Variants in PLIN3 observed in about 807,000 individuals in gnomAD.
PLIN3 encodes the protein perilipin-3.
PLIN3 carries 30 observed loss-of-function variants against 35.9 expected under a neutral mutation model. The observed-to-expected ratio is 0.84, with a 90% CI of 0.62 to 1.13. The LOEUF (loss-of-function observed/expected upper bound fraction) is 1.13. PLIN3 is among the 50% of genes most tolerant of loss of function. The pLI is 0.00. For synonymous variants in PLIN3, 261 were observed against 262.5 expected (o/e 0.99, Z 0.06); for missense variants, 603 against 596.9 (o/e 1.01, Z -0.11).
In PLIN3 at chr19:4,839,513, G is replaced by C; in HGVS notation, c.984C>G (p.Thr328=). ...GTTGCTGGGCAATGTCCCGGAACAT[G>C]GTGAGCGCCCGGGACTCGACCTGCT... The part of the protein sequence containing the change: ...KPEQVESRAL[T]MFRDIAQQLQ... The change falls in exon 8 of 8, where the codon ACC becomes ACG. Residue 328 remains threonine (T), a synonymous_variant. Coordinates refer to ENST00000221957, the MANE Select transcript of PLIN3 (RefSeq NM_005817.5). The C allele has an allele frequency of 6.5e-7, 1 of 1,534,800 alleles. No homozygotes were observed. Among genetic ancestry groups the C allele is most frequent in the Non-Finnish European group, 8.8e-7 (1 of 1,136,434 alleles).
Position 4,852,277 on chromosome 19 carries a change from C to T in PLIN3, c.373G>A (p.Val125Met), listed in dbSNP as rs1474388264. The change falls in exon 5 of 8, where the codon GTG becomes ATG. Residue 125 changes from valine to methionine, a missense_variant. Val to Met is a conservative substitution (Grantham distance 21). Transcript: ENST00000221957. ...EKVLADTKELVSSKVSGAQEM... is the reference protein window; with the variant it reads ...EKVLADTKELMSSKVSGAQEM... ...TGGGCCCCCGACACCTTAGACGACA[C>T]AAGCTCCTTGGTGTCCGCCAGGACC... 10 of 1,604,074 alleles carry T rather than the reference C, an allele frequency of 6.2e-6. No individual in the cohort carries two copies. In the Admixed American group the frequency reaches 1.3e-4, roughly 21 times the overall value.
chr19:4,852,508 G>A (rs967144738), intron 4 of PLIN3, among the ~76,000 whole-genome samples: 1 of 152,170 alleles, frequency 6.6e-6, no homozygotes, highest in African/African-American at 2.4e-5. Flanking sequence ...TCCCCCAGGT[G>A]ACCCTGAGTC....
intron 6 of PLIN3, among the ~76,000 whole-genome samples, chr19:4,845,740 C>T (rs1021377449): frequency 4.6e-5 from 7 of 150,794 alleles, no homozygotes; most frequent in Admixed American, 1.3e-4. Context: ...CTGGCTAACA[C>T]GGTGAAACCC....
intron 1 of PLIN3, among the ~76,000 whole-genome samples, chr19:4,862,578 G>A (rs2030712365): frequency 1.3e-5 from 2 of 152,170 alleles, no homozygotes; most frequent in African/African-American, 4.8e-5. Context: ...CTCCCAGGCA[G>A]TGTTGATGCA....
intron 4 of PLIN3, 97 bp from the exon 5 acceptor site, chr19:4,852,398 G>T: frequency 7.0e-7 from 1 of 1,422,200 alleles, no homozygotes; most frequent in East Asian, 2.4e-5. Flanking sequence ...GGCGGGGAGC[G>T]CCATCCCCCG....
chr19:4,862,238 C>A (rs1009109601), intron 1 of PLIN3, among the ~76,000 whole-genome samples: 55 of 151,438 alleles, frequency 3.6e-4, no homozygotes, highest in African/African-American at 1.3e-3. Context: ...TCAAGCAATT[C>A]CCCTGCCTCA....
intron 7 of PLIN3, among the ~76,000 whole-genome samples, chr19:4,841,641 C>T (rs1022553734): frequency 4.6e-5 from 7 of 151,272 alleles, no homozygotes; most frequent in African/African-American, 7.3e-5. Flanking sequence ...TGGCTCACCC[C>T]TGTAATCCCC....
chr19:4,856,552 C>CTT (rs921056507), intron 4 of PLIN3, among the ~76,000 whole-genome samples: 23 of 151,910 alleles, frequency 1.5e-4, no homozygotes, highest in African/African-American at 5.5e-4. Flanking sequence ...GAGCAACACT[C>CTT]TGTCTCAAAA....
Position 4,861,414 on chromosome 19 carries a change from G to A in PLIN3, c.-17-3C>T. On this transcript the variant is annotated splice_region_variant and splice_polypyrimidine_tract_variant and intron_variant, in intron 1 of 7. Coordinates refer to ENST00000221957, the MANE Select transcript of PLIN3 (RefSeq NM_005817.5). The stretch of plus-strand genomic sequence containing the variant: ...AGACATGGTCTCTGCAGCAGACGCT[G>A]AGGAGAGAGGAACAGTCAGGTACAG... 1 of 1,606,530 alleles carries A rather than the reference G, an allele frequency of 6.2e-7. No homozygotes were observed. Among genetic ancestry groups the A allele is most frequent in the South Asian group, 1.1e-5 (1 of 91,010 alleles).
intron 4 of PLIN3, among the ~76,000 whole-genome samples, chr19:4,856,483 G>A (rs2030479828): frequency 6.6e-6 from 1 of 151,736 alleles, no homozygotes; most frequent in South Asian, 2.1e-4. Flanking sequence ...GCTTGAGCCC[G>A]AGAGGCGGAG....
chr19:4,864,657 C>A (rs1053917503), intron 1 of PLIN3, among the ~76,000 whole-genome samples: 1 of 151,964 alleles, frequency 6.6e-6, no homozygotes, highest in African/African-American at 2.4e-5. Context: ...AACATGCCTG[C>A]CTGCACCGCA....
At chr19:4,852,824 CTGT>C (rs2030347299) in intron 4 of PLIN3, among the ~76,000 whole-genome samples, 1 of 150,978 alleles carries the variant, frequency 6.6e-6, no homozygotes, top group Admixed American at 6.6e-5. Context: ...TTTGTTGTTG[CTGT>C]TGTTGAGATG....
intron 1 of PLIN3, among the ~76,000 whole-genome samples, chr19:4,866,094 T>G (rs1458489466): frequency 6.7e-6 from 1 of 149,426 alleles, no homozygotes; most frequent in East Asian, 2.0e-4. Context: ...CTCAGTTCAG[T>G]GTAACCTCCA....
rs199891296 is a variant in PLIN3 at position 4,838,582 on chromosome 19, C to A, written c.*610G>T. On this transcript the variant is annotated 3_prime_UTR_variant, in exon 8 of 8. Coordinates refer to ENST00000221957, the MANE Select transcript of PLIN3 (RefSeq NM_005817.5). ...TGAACTATATCCCTGATTTTTTTTT[C>A]TTTTTTTTTTTTTTTGAGACTAAGT... The A allele has an allele frequency of 9.1e-6, 1 of 109,378 alleles. No individual in the cohort carries two copies. The highest frequency in any genetic ancestry group is 1.1e-4 in the Admixed American group (1 of 9,488). The allele number at this position is 109,378 out of a possible 1,614,324, so 6.8% of individuals were successfully genotyped here. A position where few individuals can be genotyped will look rare whatever the true frequency, so the allele number is the denominator to read the frequency against.
At chr19:4,856,436 T>C (rs1463303015) in intron 4 of PLIN3, among the ~76,000 whole-genome samples, 3 of 151,782 alleles carry the variant, frequency 2.0e-5, no homozygotes, top group African/African-American at 7.3e-5. Flanking sequence ...TGCATGCCTG[T>C]AATCCCAGCT....
intron 1 of PLIN3, among the ~76,000 whole-genome samples, chr19:4,864,294 A>G (rs1414700073): frequency 6.6e-6 from 1 of 151,246 alleles, no homozygotes; most frequent in African/African-American, 2.4e-5. Context: ...CTGGGATTAC[A>G]GGTGTGCACC....
chr19:4,847,387 G>A (rs945390846), intron 6 of PLIN3, among the ~76,000 whole-genome samples: 16 of 152,038 alleles, frequency 1.1e-4, no homozygotes, highest in African/African-American at 3.9e-4. Flanking sequence ...TAGAGATGGG[G>A]TCTTGCTATA....
At chr19:4,862,380 C>T (rs1311116129) in intron 1 of PLIN3, among the ~76,000 whole-genome samples, 6 of 152,016 alleles carry the variant, frequency 3.9e-5, no homozygotes. Flanking sequence ...GATCCGCCCG[C>T]CTCGGCCTCC....
chr19:4,839,535 T>G lies in PLIN3; in HGVS notation c.962A>C (p.Gln321Pro). The G allele has an allele frequency of 2.0e-6, 3 of 1,516,532 alleles. No individual in the cohort carries two copies. Among genetic ancestry groups the G allele is most frequent in the Middle Eastern group, 1.8e-4 (1 of 5,600 alleles). The allele number at this position is 1,516,532 out of a possible 1,614,324, so 93.9% of individuals were successfully genotyped here. The change falls in exon 8 of 8, where the codon CAG (glutamine) becomes CCG (proline). Residue 321 changes from glutamine to proline, a missense_variant and splice_region_variant. Gln to Pro is a moderately conservative substitution (Grantham distance 76). Coordinates refer to ENST00000221957, the MANE Select transcript of PLIN3 (RefSeq NM_005817.5). ...GPEKEPPKPEQVESRALTMFR... is the reference protein window; with the variant it reads ...GPEKEPPKPEPVESRALTMFR... ...CATGGTGAGCGCCCGGGACTCGACC[T>G]GCTGAGAAGGGAGATGGGGACACCA...
Sources: gnomAD v4.1 joint callset for allele counts (sites outside exome capture counted in the v4.1 genomes callset) on GRCh38, gnomAD v4.1.1 for gene constraint, MANE v1.5 for transcripts, NCBI Gene and HGNC (gene_info 2026-07-23, HGNC 2026-07-21) for gene names.